The following CPNE4 variants were observed in gnomAD, a reference collection of about 807,000 sequenced individuals.
CPNE4 encodes the protein copine-4.
A neutral mutation model predicts 67.9 loss-of-function variants in CPNE4; 25 were observed. That is an observed-to-expected ratio of 0.37 (90% CI 0.27 to 0.51). CPNE4 has a LOEUF of 0.51. Ranked by LOEUF, CPNE4 falls within the 20% of genes least tolerant of loss-of-function variation. The pLI, the probability that CPNE4 is intolerant of heterozygous loss-of-function variation, is 0.93. For missense variants in CPNE4, 464 were observed against 690.8 expected, an observed-to-expected ratio of 0.67 and a Z score of 3.68; for synonymous variants, 242 against 244.9, an observed-to-expected ratio of 0.99 and a Z score of 0.11.
chr3:131,752,373 T>C (rs562234555), intron 2 of CPNE4, among the ~76,000 whole-genome samples: 1 of 152,280 alleles, frequency 6.6e-6, no homozygotes, highest in South Asian at 2.1e-4. Context: ...GTCCCTTTCC[T>C]GGTCCTTTGG....
chr3:131,638,003 C>A (rs2079438454), intron 7 of CPNE4, among the ~76,000 whole-genome samples: 1 of 152,096 alleles, frequency 6.6e-6, no homozygotes, highest in Non-Finnish European at 1.5e-5. Context: ...TTTGCCACTA[C>A]CAAGTCAGCA....
intron 7 of CPNE4, among the ~76,000 whole-genome samples, chr3:131,610,413 T>C (rs1467174691): frequency 6.6e-6 from 1 of 152,186 alleles, no homozygotes; most frequent in African/African-American, 2.4e-5. Flanking sequence ...TCCTGATGTC[T>C]TTTCTCTCTC....
At chr3:131,712,068 T>C (rs1008636349) in intron 3 of CPNE4, among the ~76,000 whole-genome samples, 1 of 152,192 alleles carries the variant, frequency 6.6e-6, no homozygotes, top group African/African-American at 2.4e-5. Flanking sequence ...TCCTGTAAAT[T>C]TCCCAAATTA....
chr3:131,905,226 C>A, intron 2 of CPNE4, 38 bp downstream of exon 2: 1 of 1,523,964 alleles, frequency 6.6e-7, no homozygotes, highest in Non-Finnish European at 8.9e-7. Context: ...AGCCAATCAT[C>A]CAGCCATGGT....
At chr3:131,920,614 A>T (rs1296370918) in intron 1 of CPNE4, among the ~76,000 whole-genome samples, 1 of 152,026 alleles carries the variant, frequency 6.6e-6, no homozygotes, top group Non-Finnish European at 1.5e-5. Flanking sequence ...TTCTATAATA[A>T]AAACATTTTA....
chr3:131,697,959 G>T (rs1246422771), intron 4 of CPNE4, among the ~76,000 whole-genome samples: 1 of 152,066 alleles, frequency 6.6e-6, no homozygotes, highest in African/African-American at 2.4e-5. Flanking sequence ...GGGGCCAGGG[G>T]CAGTGGCTCA....
intron 2 of CPNE4, among the ~76,000 whole-genome samples, chr3:131,736,099 G>T (rs1188877057): frequency 6.6e-6 from 1 of 152,196 alleles, no homozygotes; most frequent in Non-Finnish European, 1.5e-5. Context: ...GGGCCACACA[G>T]CTTTGTTCAG....
chr3:131,969,885 C>A (rs1281285289), intron 1 of CPNE4, among the ~76,000 whole-genome samples: 1 of 152,226 alleles, frequency 6.6e-6, no homozygotes, highest in Non-Finnish European at 1.5e-5. Flanking sequence ...TGTGTAACCA[C>A]AGACAAGGTG....
chr3:131,556,345 C>A (rs926315941), intron 11 of CPNE4, among the ~76,000 whole-genome samples: 1 of 152,050 alleles, frequency 6.6e-6, no homozygotes, highest in Non-Finnish European at 1.5e-5. Flanking sequence ...CATTGCACTC[C>A]AGCCTGGGTA....
chr3:131,731,112 C>A (rs1010731826), intron 2 of CPNE4, among the ~76,000 whole-genome samples: 2 of 152,186 alleles, frequency 1.3e-5, no homozygotes, highest in African/African-American at 2.4e-5. Flanking sequence ...ATCCATTGAA[C>A]CCTGCCTTCA....
intron 7 of CPNE4, among the ~76,000 whole-genome samples, chr3:131,593,959 C>A (rs1450356699): frequency 6.6e-6 from 1 of 152,112 alleles, no homozygotes; most frequent in Non-Finnish European, 1.5e-5. Flanking sequence ...ACCTCGTAAT[C>A]TGCCTGCCTC....
rs892050484 is a variant in CPNE4, at chr3:132,034,972, G to T, written c.-407C>A. On this transcript the variant is annotated 5_prime_UTR_variant, in exon 1 of 16. Coordinates refer to ENST00000429747, the MANE Select transcript of CPNE4 (RefSeq NM_130808.3). ...AAAGAGAAGGGGACGAGCGGGTGGC[G>T]GGGAGATGGCAGCTTCTCACAGAGA... is the stretch of plus-strand genomic sequence containing the variant. The T allele has an allele frequency of 1.6e-4, 153 of 985,450 alleles. No individual in the cohort carries two copies. Among genetic ancestry groups the T allele is most frequent in the Non-Finnish European group, 1.8e-4 (151 of 830,136 alleles). The allele number at this position is 985,450 out of a possible 1,614,324, so 61.0% of individuals were successfully genotyped here.
At chr3:131,950,597 GAATATT>G (rs1041919606) in intron 1 of CPNE4, among the ~76,000 whole-genome samples, 1 of 152,176 alleles carries the variant, frequency 6.6e-6, no homozygotes, top group African/African-American at 2.4e-5. Context: ...AAAGCACCAT[GAATATT>G]AATTTGAGGG....
chr3:131,594,000 G>A (rs566041407), intron 7 of CPNE4, among the ~76,000 whole-genome samples: 25 of 152,254 alleles, frequency 1.6e-4, no homozygotes, highest in African/African-American at 6.0e-4. Flanking sequence ...TTACAGGCGT[G>A]AGCCACCACG....
intron 3 of CPNE4, among the ~76,000 whole-genome samples, chr3:131,721,645 T>C (rs1251538551): frequency 6.6e-6 from 1 of 152,130 alleles, no homozygotes; most frequent in Non-Finnish European, 1.5e-5. Flanking sequence ...TCTGCCCTCC[T>C]TGGCTTCCCA....
At chr3:131,727,853 A>G (rs1378854223) in intron 2 of CPNE4, among the ~76,000 whole-genome samples, 2 of 152,134 alleles carry the variant, frequency 1.3e-5, no homozygotes, top group Non-Finnish European at 2.9e-5. Context: ...GTATATCATA[A>G]TCTGTGGTCT....
chr3:131,921,629 G>A (rs370924797), intron 1 of CPNE4, among the ~76,000 whole-genome samples: 4 of 152,278 alleles, frequency 2.6e-5, no homozygotes, highest in South Asian at 2.1e-4. Context: ...TAGGCAAGGT[G>A]TACTTTGGTT....
intron 2 of CPNE4, among the ~76,000 whole-genome samples, chr3:131,837,228 A>G (rs1335629676): frequency 4.6e-5 from 7 of 152,162 alleles, no homozygotes; most frequent in African/African-American, 9.6e-5. Context: ...TTTACACTAG[A>G]AAAATGAAAA....
chr3:131,725,611 T>C (rs755898746), intron 2 of CPNE4, among the ~76,000 whole-genome samples: 6 of 152,204 alleles, frequency 3.9e-5, no homozygotes, highest in Admixed American at 1.3e-4. Flanking sequence ...ATTTACTATA[T>C]CAGCATAATT....
Sources: gnomAD v4.1 joint callset for allele counts (sites outside exome capture counted in the v4.1 genomes callset) on GRCh38, gnomAD v4.1.1 for gene constraint, MANE v1.5 for transcripts, NCBI Gene and HGNC (gene_info 2026-07-23, HGNC 2026-07-21) for gene names.